The following SEC31A variants were observed in gnomAD, a reference collection of about 807,000 sequenced individuals.
SEC31A encodes protein transport protein Sec31A.
A neutral mutation model predicts 151.0 loss-of-function variants in SEC31A; 70 were observed. The ratio of observed to expected loss-of-function variants is 0.46; its 90% CI spans 0.38 to 0.57. SEC31A has a LOEUF of 0.57. Ranked by LOEUF, SEC31A falls within the 20% of genes least tolerant of loss-of-function variation. The probability of loss-of-function intolerance (pLI) is 0.00; values close to 1 mark genes in which losing one functional copy is unlikely to be tolerated. For synonymous variants in SEC31A, 475 were observed against 505.9 expected, an observed-to-expected ratio of 0.94 and a Z score of 0.82; for missense variants, 1,330 against 1,471.2, an observed-to-expected ratio of 0.90 and a Z score of 1.57.
At chr4:82,867,049 T>C (rs975526694) in intron 9 of SEC31A, 89 bp from the exon 10 acceptor site, 15 of 1,550,602 alleles carry the variant, frequency 9.7e-6, no homozygotes, top group African/African-American at 1.4e-5. Context: ...TTGATCACAA[T>C]TGTCCAATTA....
At chr4:82,867,622 T>TTA (rs1354251849) in intron 8 of SEC31A, among the ~76,000 whole-genome samples, 1 of 152,080 alleles carries the variant, frequency 6.6e-6, no homozygotes, top group African/African-American at 2.4e-5. Flanking sequence ...GCACACTCTA[T>TTA]TAGAGTCAAC....
intron 3 of SEC31A, among the ~76,000 whole-genome samples, chr4:82,896,333 T>C (rs1324681343): frequency 6.6e-6 from 1 of 152,180 alleles, no homozygotes; most frequent in East Asian, 1.9e-4. Context: ...TTCTCCTGCC[T>C]TGGCCTCCCA....
chr4:82,860,820 C>G (rs1277267307), intron 14 of SEC31A, among the ~76,000 whole-genome samples: 1 of 151,988 alleles, frequency 6.6e-6, no homozygotes, highest in African/African-American at 2.4e-5. Flanking sequence ...ATCCTTTATT[C>G]CCTTGTTAAT....
intron 21 of SEC31A, chr4:82,843,984 TA>T (rs1352264571): frequency 5.8e-6 from 1 of 171,084 alleles, no homozygotes; most frequent in Non-Finnish European, 1.2e-5. Context: ...AATAAATAAA[TA>T]AAATGGAAAA....
chr4:82,832,900 A>C (rs1578142740), intron 22 of SEC31A, among the ~76,000 whole-genome samples: 1 of 152,304 alleles, frequency 6.6e-6, no homozygotes, highest in South Asian at 2.1e-4. Context: ...AAAAGTCAGG[A>C]AACAACAGAT....
Position 82,866,732 on chromosome 4 carries a change from C to T in SEC31A, c.1197+76G>A, listed in dbSNP as rs930185297. On this transcript the variant is annotated intron_variant, in intron 10 of 26. Transcript: ENST00000395310. ...CAACTTAAACCCTGATTGCTTCCAT[C>T]AGAGTGACTCTATAATAACACTTTG... is the stretch of plus-strand genomic sequence containing the variant. 2.6e-5 allele frequency: 33 copies of T among 1,278,500 alleles called. No individual in the cohort carries two copies. The African/African-American group carries it at 4.1e-4, about 16-fold the overall frequency. 79.2% of individuals were successfully genotyped at this position (1,278,500 alleles called of 1,614,324 possible). A position where few individuals can be genotyped will look rare whatever the true frequency, so the allele number is the denominator to read the frequency against.
At chr4:82,867,120 G>C in intron 9 of SEC31A, 35 bp downstream of exon 9, 1 of 1,579,082 alleles carries the variant, frequency 6.3e-7, no homozygotes, top group Non-Finnish European at 8.7e-7. Context: ...CTTTTTTCAG[G>C]CATTATAATA....
In SEC31A at chr4:82,827,613, G is replaced by A. The variant is rs1331783605; in HGVS notation, c.3047C>T (p.Pro1016Leu). The A allele has an allele frequency of 6.2e-7, 1 of 1,613,898 alleles. No homozygotes were observed. The highest frequency in any genetic ancestry group is 2.2e-5 in the East Asian group (1 of 44,884). Residue 1016 changes from proline (P) to leucine (L), a missense_variant, in exon 24 of 27, where the codon CCT (proline) becomes CTT (leucine). Physicochemically the swap from Pro to Leu is moderately conservative, Grantham distance 98. Coordinates refer to ENST00000395310, the MANE Select transcript of SEC31A (RefSeq NM_001077207.4). The part of the protein sequence containing the change: ...KKKKMPENFM[P>L]PVPITSPIMN... The stretch of plus-strand genomic sequence containing the variant: ...GATTGGTGATGTGATGGGAACAGGA[G>A]GCATGAAGTTTTCAGGCATCTGTTA...
intron 22 of SEC31A, among the ~76,000 whole-genome samples, chr4:82,840,671 C>T (rs1487323920): frequency 6.6e-6 from 1 of 152,184 alleles, no homozygotes; most frequent in Non-Finnish European, 1.5e-5. Context: ...TAGCCCACCA[C>T]ACACCTAGGC....
intron 10 of SEC31A, 38 bp downstream of exon 10, chr4:82,866,770 C>T (rs1472767889): frequency 6.4e-7 from 1 of 1,555,524 alleles, no homozygotes; most frequent in Non-Finnish European, 8.7e-7. Context: ...ATAAAAAGTC[C>T]TTTGTGCCTA....
upstream of SEC31A, chr4:82,895,615 GAAAT>G (rs2126004421): frequency 1.3e-5 from 2 of 152,310 alleles, no homozygotes; most frequent in African/African-American, 4.8e-5. Flanking sequence ...ACATTAGGCT[GAAAT>G]AAATGTCAAT....
intron 21 of SEC31A, chr4:82,843,577 G>T (rs1030212784): frequency 6.6e-6 from 1 of 152,084 alleles, no homozygotes. Flanking sequence ...TTAAACATTT[G>T]AGTGAAAGGT....
intron 21 of SEC31A, chr4:82,844,120 A>G: frequency 2.5e-6 from 1 of 393,744 alleles, no homozygotes; most frequent in East Asian, 3.6e-5. Flanking sequence ...AAATCATGGG[A>G]CACTTGATTA....
intron 16 of SEC31A, among the ~76,000 whole-genome samples, chr4:82,855,585 A>T (rs1033334128): frequency 4.6e-5 from 7 of 152,220 alleles, no homozygotes; most frequent in Non-Finnish European, 1.0e-4. Flanking sequence ...TTTTTTTATG[A>T]TGTAGAAATA....
intron 1 of SEC31A, among the ~76,000 whole-genome samples, chr4:82,888,457 C>G (rs1250342584): frequency 6.6e-5 from 8 of 121,776 alleles, no homozygotes; most frequent in African/African-American, 2.3e-4. Context: ...TTTGGAAGGC[C>G]GAGGCGGGCG....
At chr4:82,895,919 C>T (rs1720043929), upstream of SEC31A, 1 of 152,190 alleles carries the variant, frequency 6.6e-6, no homozygotes, top group African/African-American at 2.4e-5. Flanking sequence ...AAAATTTAAT[C>T]ATTGGACATT....
In SEC31A at chr4:82,866,825, C is replaced by T. The variant is rs766358497; in HGVS notation, c.1180G>A (p.Val394Ile). ...KKPPKWIRRP[V>I]GASFSFGGKL... ...CCACCTACTGAAAAAGAAGCACCAA[C>T]AGGCCTTCGAATCCACTTGGGCGGC... Residue 394 changes from valine to isoleucine, a missense_variant, in exon 10 of 27, where the codon GTT becomes ATT. Coordinates refer to ENST00000395310, the MANE Select transcript of SEC31A (RefSeq NM_001077207.4). 5.0e-6 allele frequency: 8 copies of T among 1,603,768 alleles called. No individual in the cohort carries two copies. Among genetic ancestry groups the T allele is most frequent in the South Asian group, 2.3e-5 (2 of 88,496 alleles).
intron 13 of SEC31A, 134 bp downstream of exon 13, chr4:82,862,396 AATTT>A: frequency 6.5e-6 from 4 of 617,738 alleles, no homozygotes; most frequent in Non-Finnish European, 1.1e-5. Flanking sequence ...GAGAATTATT[AATTT>A]ATTAAAATAT....
At chr4:82,819,879 A>T (rs1162523237) in intron 26 of SEC31A, among the ~76,000 whole-genome samples, 1 of 151,852 alleles carries the variant, frequency 6.6e-6, no homozygotes, top group Non-Finnish European at 1.5e-5. Flanking sequence ...CTCCTGCCTC[A>T]GCCTCCTGAG....
Sources: allele counts gnomAD v4.1 joint callset (sites outside exome capture counted in the v4.1 genomes callset), GRCh38; gene constraint gnomAD v4.1.1; transcripts MANE v1.5; gene names NCBI Gene and HGNC (gene_info 2026-07-23, HGNC 2026-07-21).